Variants in JPH2 observed in about 807,000 individuals in gnomAD.
JPH2 encodes junctophilin-2.
A neutral mutation model predicts 55.9 loss-of-function variants in JPH2; 38 were observed. That is an observed-to-expected ratio of 0.68 (90% CI 0.52 to 0.89). The LOEUF (loss-of-function observed/expected upper bound fraction) is 0.89, where lower values mean the gene tolerates loss of function less well. Ranked by LOEUF, JPH2 falls within the 40% of genes least tolerant of loss-of-function variation. The pLI is 0.00. For missense variants in JPH2, 964 were observed against 1,037.6 expected, an observed-to-expected ratio of 0.93 and a Z score of 0.97; for synonymous variants, 480 against 472.4, an observed-to-expected ratio of 1.02 and a Z score of -0.21.
intron 2 of JPH2, among the ~76,000 whole-genome samples, chr20:44,149,468 C>T (rs2072515861): frequency 6.6e-6 from 1 of 152,254 alleles, no homozygotes; most frequent in Non-Finnish European, 1.5e-5. Flanking sequence ...TGTGCATGTG[C>T]ATGTGTGTAG....
Position 44,144,582 on chromosome 20 carries a change from G to A in JPH2, c.1169+15036C>T, listed in dbSNP as rs568383003. On this transcript the variant is annotated intron_variant, in intron 2 of 5. Coordinates refer to ENST00000372980, the MANE Select transcript of JPH2 (RefSeq NM_020433.5). ...TGCACTCTCAGTCGCTCTACCATTCGAAAGCATGGCCAGGCACCGAGGTCT... is the reference window on the plus strand; with the variant it reads ...TGCACTCTCAGTCGCTCTACCATTCAAAAGCATGGCCAGGCACCGAGGTCT... Among the ~76,000 whole-genome samples, 32 of 152,268 alleles carry A rather than the reference G, an allele frequency of 2.1e-4. No homozygotes were observed. The South Asian group carries it at 4.4e-3, about 21-fold the overall frequency.
At chr20:44,141,440 T>C (rs1247243142) in intron 2 of JPH2, among the ~76,000 whole-genome samples, 1 of 151,866 alleles carries the variant, frequency 6.6e-6, no homozygotes, top group Non-Finnish European at 1.5e-5. Context: ...GGAGCTGCCA[T>C]TCAGCCTAGC....
rs1356552204 is a variant in JPH2, at chr20:44,111,030, T to C, written c.*2488A>G. 6.6e-6 allele frequency among the ~76,000 whole-genome samples: 1 copy of C among 152,218 alleles called. No individual in the cohort carries two copies. The highest frequency in any genetic ancestry group is 1.5e-5 in the Non-Finnish European group (1 of 68,038). On this transcript the variant is annotated 3_prime_UTR_variant, in exon 6 of 6. Transcript: ENST00000372980. ...AGAGTAACTTCATGGGCAGTACTTA[T>C]TCCTAAAAAGTCAAGAGAACTGCTT...
At chr20:44,178,832 A>G (rs1017251614) in intron 1 of JPH2, among the ~76,000 whole-genome samples, 2 of 152,324 alleles carry the variant, frequency 1.3e-5, no homozygotes, top group South Asian at 4.1e-4. Context: ...CTATTATGCA[A>G]ATAAATAAAT....
chr20:44,149,963 GAAAAAAAA>G (rs67234498), intron 2 of JPH2, among the ~76,000 whole-genome samples: 1 of 11,458 alleles, frequency 8.7e-5, no homozygotes, highest in Non-Finnish European at 1.4e-4. Context: ...GGCGACAGAG[GAAAAAAAA>G]AAAAAAAAAA....
rs570396794 is a variant in JPH2 at position 44,110,292 on chromosome 20, C to T, written c.*3226G>A. ...ACTGGGCTGGCTGCCCACCTGCTTT[C>T]CCTCTGTGGGTTTTTATCAAAGGCT... On this transcript the variant is annotated 3_prime_UTR_variant, in exon 6 of 6. Coordinates refer to ENST00000372980, the MANE Select transcript of JPH2 (RefSeq NM_020433.5). Among the ~76,000 whole-genome samples the T allele has an allele frequency of 6.6e-6, 1 of 152,190 alleles. No homozygotes were observed. The highest frequency in any genetic ancestry group is 2.4e-5 in the African/African-American group (1 of 41,450).
rs540970634 is a variant in JPH2 at position 44,108,386 on chromosome 20, G to A, written c.*5132C>T. Among the ~76,000 whole-genome samples the A allele has an allele frequency of 6.6e-6, 1 of 152,088 alleles. No homozygotes were observed. The highest frequency in any genetic ancestry group is 1.9e-4 in the East Asian group (1 of 5,156). On this transcript the variant is annotated 3_prime_UTR_variant, in exon 6 of 6. Transcript: ENST00000372980. ...CTTTCTAGTGAATTATTGAGTATGA[G>A]GATAATCATAGGAACCCCCTTGTTT...
intron 1 of JPH2, among the ~76,000 whole-genome samples, chr20:44,182,330 T>A (rs949871027): frequency 3.3e-5 from 5 of 152,124 alleles, no homozygotes; most frequent in African/African-American, 1.2e-4. Context: ...TTTTGGAGAG[T>A]TACACCTCGT....
At chr20:44,154,287 T>C (rs1297715615) in intron 2 of JPH2, among the ~76,000 whole-genome samples, 1 of 152,248 alleles carries the variant, frequency 6.6e-6, no homozygotes, top group East Asian at 1.9e-4. Context: ...TAATAATGTA[T>C]TTTGTCAAAG....
intron 1 of JPH2, among the ~76,000 whole-genome samples, chr20:44,174,829 T>C (rs2072721669): frequency 6.6e-6 from 1 of 151,916 alleles, no homozygotes; most frequent in Non-Finnish European, 1.5e-5. Context: ...CTGTCTCTAC[T>C]GAAACTACAA....
At chr20:44,117,885 C>A (rs875669) in intron 3 of JPH2, among the ~76,000 whole-genome samples, 20 of 152,168 alleles carry the variant, frequency 1.3e-4, no homozygotes, top group East Asian at 1.2e-3. Flanking sequence ...GGGAATGTAC[C>A]TTACATGCAT....
intron 2 of JPH2, among the ~76,000 whole-genome samples, chr20:44,124,998 A>G (rs1294288276): frequency 6.6e-6 from 1 of 151,916 alleles, no homozygotes; most frequent in African/African-American, 2.4e-5. Flanking sequence ...AGTCCCAGCT[A>G]CTTAGAAGGC....
In JPH2 at chr20:44,160,136, G is replaced by T; in HGVS notation, c.651C>A (p.Gly217=). 6.9e-7 allele frequency: 1 copy of T among 1,450,606 alleles called. No individual in the cohort carries two copies. The allele number at this position is 1,450,606 out of a possible 1,614,324, so 89.9% of individuals were successfully genotyped here. Residue 217 remains glycine (G), a synonymous_variant, in exon 2 of 6, where the codon GGC becomes GGA. Coordinates refer to ENST00000372980, the MANE Select transcript of JPH2 (RefSeq NM_020433.5). The surrounding 1 kb of genome is among the most constrained non-coding windows in gnomAD (Gnocchi z 4.9). ...NAEAAARAPK[G]GGLFQRGALL... Reference sequence around the variant, plus strand: ...GCGCGCCCCGCTGGAAGAGGCCGCCGCCCTTGGGCGCCCGCGCGGCCGCCT... The same window carrying T: ...GCGCGCCCCGCTGGAAGAGGCCGCCTCCCTTGGGCGCCCGCGCGGCCGCCT...
At chr20:44,153,646 T>C (rs1238795759) in intron 2 of JPH2, among the ~76,000 whole-genome samples, 2 of 152,210 alleles carry the variant, frequency 1.3e-5, no homozygotes, top group African/African-American at 4.8e-5. Context: ...CTCAGGGCCA[T>C]GCCCTGCCTC....
At position 44,110,988 on chromosome 20, in the gene JPH2, G is replaced by A. The variant is rs1325419133; in HGVS notation, c.*2530C>T. Among the ~76,000 whole-genome samples the A allele has an allele frequency of 6.6e-6, 1 of 152,174 alleles. No homozygotes were observed. The highest frequency in any genetic ancestry group is 1.9e-4 in the East Asian group (1 of 5,194). ...GACCTTCTTCTCCAACCCCCTCGCT[G>A]GGAACCACCGGCTGTGAGAGTAACT... On this transcript the variant is annotated 3_prime_UTR_variant, in exon 6 of 6. Transcript: ENST00000372980.
At chr20:44,178,960 C>T (rs987604143) in intron 1 of JPH2, among the ~76,000 whole-genome samples, 1 of 152,206 alleles carries the variant, frequency 6.6e-6, no homozygotes, top group African/African-American at 2.4e-5. Context: ...AATCACGTAA[C>T]TCCCGTGTTC....
In JPH2 at chr20:44,159,246, G is replaced by A. The variant is rs1569209403; in HGVS notation, c.1169+372C>T. 6.6e-6 allele frequency among the ~76,000 whole-genome samples: 1 copy of A among 152,090 alleles called. No homozygotes were observed. Among genetic ancestry groups the A allele is most frequent in the Non-Finnish European group, 1.5e-5 (1 of 68,008 alleles). ...TGAAGGAATTGGGTGGATTTGGATG[G>A]ATGTTTGGGTGGTTGACTGCGAGGT... On this transcript the variant is annotated intron_variant, in intron 2 of 5. Transcript: ENST00000372980. The surrounding 1 kb of genome is among the most constrained non-coding windows in gnomAD (Gnocchi z 5.7).
At chr20:44,142,244 T>G (rs1042343891) in intron 2 of JPH2, among the ~76,000 whole-genome samples, 1 of 152,198 alleles carries the variant, frequency 6.6e-6, no homozygotes, top group Non-Finnish European at 1.5e-5. Context: ...TCTATATCTG[T>G]GCTGTCCCAG....
intron 2 of JPH2, among the ~76,000 whole-genome samples, chr20:44,122,473 A>G (rs1276437069): frequency 6.6e-6 from 1 of 152,258 alleles, no homozygotes; most frequent in Non-Finnish European, 1.5e-5. Flanking sequence ...TAATGCAAAA[A>G]TAAATCCTTG....
Sources: gnomAD v4.1 joint callset for allele counts (sites outside exome capture counted in the v4.1 genomes callset) on GRCh38, gnomAD v4.1.1 for gene constraint, Gnocchi (gnomAD v3.1) non-coding constraint, MANE v1.5 for transcripts, NCBI Gene and HGNC (gene_info 2026-07-23, HGNC 2026-07-21) for gene names.